Variants in TTC39B observed in about 807,000 individuals in gnomAD.
The protein encoded by TTC39B is tetratricopeptide repeat protein 39B.
In TTC39B, 92 loss-of-function variants were observed where a neutral mutation model predicts 96.6. That is an observed-to-expected ratio of 0.95 (90% confidence interval 0.80 to 1.13). TTC39B has a LOEUF of 1.13. Ranked by LOEUF, TTC39B falls within the 50% of genes most tolerant of loss-of-function variation. TTC39B has a pLI of 0.00. For synonymous variants in TTC39B, 367 were observed against 299.4 expected, an observed-to-expected ratio of 1.23 and a Z score of -2.33; for missense variants, 955 against 809.3, an observed-to-expected ratio of 1.18 and a Z score of -2.18.
chr9:15,268,793 T>C (rs1334294776), intron 1 of TTC39B, among the ~76,000 whole-genome samples: 1 of 152,234 alleles, frequency 6.6e-6, no homozygotes, highest in South Asian at 2.1e-4. Flanking sequence ...CTTGACACCC[T>C]CCATTCAATT....
At chr9:15,304,550 G>A (rs1372689080) in intron 1 of TTC39B, among the ~76,000 whole-genome samples, 1 of 151,956 alleles carries the variant, frequency 6.6e-6, no homozygotes, top group African/African-American at 2.4e-5. Context: ...AGCTACCATG[G>A]GAGCTTCTCT....
At position 15,275,989 on chromosome 9, in the gene TTC39B, G is replaced by A. The variant is rs139442215; in HGVS notation, c.241-8041C>T. Among the ~76,000 whole-genome samples the A allele has an allele frequency of 5.5e-4, 84 of 152,304 alleles. 1 individual carries two copies. In the East Asian group the frequency reaches 0.015, roughly 27 times the overall value. ...GTCACATTTGTAAGAAACAAATGCT[G>A]ATATATAAATACCATGGAACCATGA... On this transcript the variant is annotated intron_variant, in intron 1 of 19. Transcript: ENST00000512701.
At chr9:15,200,667 G>T (rs1312070403) in intron 7 of TTC39B, among the ~76,000 whole-genome samples, 1 of 152,218 alleles carries the variant, frequency 6.6e-6, no homozygotes, top group Non-Finnish European at 1.5e-5. Context: ...CCTACGTTTT[G>T]CATATCCAGA....
intron 16 of TTC39B, chr9:15,183,513 G>C (rs1284257332): frequency 3.0e-6 from 1 of 334,630 alleles, no homozygotes. Context: ...CCAATTTCCT[G>C]TACATTCTAC....
chr9:15,237,687 G>A (rs1431302366), intron 2 of TTC39B, among the ~76,000 whole-genome samples: 2 of 147,398 alleles, frequency 1.4e-5, no homozygotes, highest in Non-Finnish European at 3.0e-5. Context: ...AGGACCAGAT[G>A]CATTCACAGC....
intron 2 of TTC39B, among the ~76,000 whole-genome samples, chr9:15,256,077 T>A (rs1405365188): frequency 6.6e-6 from 1 of 152,230 alleles, no homozygotes; most frequent in Non-Finnish European, 1.5e-5. Context: ...AGTGATGGCG[T>A]GGGGCCTTTG....
intron 9 of TTC39B, 121 bp from the exon 10 acceptor site, chr9:15,191,376 C>T (rs1818848600): frequency 1.6e-6 from 1 of 636,884 alleles, no homozygotes; most frequent in Non-Finnish European, 2.7e-6. Context: ...CAAGTTTTAA[C>T]CACCAGATAT....
chr9:15,197,313 C>A (rs746215114), intron 8 of TTC39B, among the ~76,000 whole-genome samples: 1 of 152,094 alleles, frequency 6.6e-6, no homozygotes, highest in Non-Finnish European at 1.5e-5. Context: ...ATTTAACATT[C>A]GTTTATACCT....
chr9:15,223,351 G>A (rs1024614585), intron 3 of TTC39B, among the ~76,000 whole-genome samples: 2 of 152,220 alleles, frequency 1.3e-5, no homozygotes, highest in East Asian at 3.8e-4. Context: ...GAAATTAGAA[G>A]GTGGAGCATC....
intron 2 of TTC39B, among the ~76,000 whole-genome samples, chr9:15,238,813 C>T (rs922027777): frequency 7.2e-5 from 11 of 152,140 alleles, no homozygotes; most frequent in Admixed American, 5.9e-4. Flanking sequence ...CGACAAAACC[C>T]TGTCTCTACA....
chr9:15,174,810 C>T (rs574493809), intron 19 of TTC39B, among the ~76,000 whole-genome samples: 12 of 152,252 alleles, frequency 7.9e-5, no homozygotes, highest in Admixed American at 2.6e-4. Context: ...TATCTGTAAA[C>T]AGTCACAGGG....
intron 2 of TTC39B, among the ~76,000 whole-genome samples, chr9:15,251,586 T>A (rs1025809938): frequency 3.3e-5 from 5 of 151,116 alleles, no homozygotes; most frequent in African/African-American, 9.7e-5. Context: ...CCAGCCATAA[T>A]CTCATAACCC....
chr9:15,299,063 C>T (rs1170687938), intron 1 of TTC39B, among the ~76,000 whole-genome samples: 1 of 152,126 alleles, frequency 6.6e-6, no homozygotes, highest in African/African-American at 2.4e-5. Flanking sequence ...CCCTGGCATC[C>T]CTCCTCCACC....
chr9:15,192,674 A>T, exon 9 of TTC39B: 1 of 1,614,042 alleles, frequency 6.2e-7, no homozygotes, highest in Non-Finnish European at 8.5e-7. Flanking sequence ...TCTGAATTTC[A>T]TGCAGGATAG....
intron 2 of TTC39B, among the ~76,000 whole-genome samples, chr9:15,257,002 C>T (rs976981766): frequency 1.4e-4 from 22 of 152,264 alleles, no homozygotes; most frequent in African/African-American, 5.1e-4. Flanking sequence ...TCCTGATTCA[C>T]ACAAACATAC....
intron 1 of TTC39B, among the ~76,000 whole-genome samples, chr9:15,278,864 A>G (rs1376885129): frequency 2.6e-5 from 4 of 152,252 alleles, no homozygotes; most frequent in Non-Finnish European, 5.9e-5. Flanking sequence ...CAACAATAAC[A>G]GGTAACACTA....
chr9:15,213,406 A>G (rs1820321253), intron 4 of TTC39B, among the ~76,000 whole-genome samples: 4 of 152,226 alleles, frequency 2.6e-5, no homozygotes, highest in Admixed American at 2.6e-4. Context: ...GCTATTCTAA[A>G]TCTTAACACA....
intron 1 of TTC39B, among the ~76,000 whole-genome samples, chr9:15,290,451 C>T (rs1270841143): frequency 6.6e-6 from 1 of 152,148 alleles, no homozygotes; most frequent in Admixed American, 6.5e-5. Flanking sequence ...TTGTGGGCCC[C>T]AGAATCTTTA....
intron 2 of TTC39B, 149 bp downstream of exon 2, chr9:15,267,765 A>G: frequency 1.6e-6 from 1 of 615,418 alleles, no homozygotes; most frequent in Non-Finnish European, 2.8e-6. Flanking sequence ...ATATAATCAC[A>G]TCCTCTTTAA....
Sources: gnomAD v4.1 joint callset for allele counts (sites outside exome capture counted in the v4.1 genomes callset) on GRCh38, gnomAD v4.1.1 for gene constraint, MANE v1.5 for transcripts, NCBI Gene and HGNC (gene_info 2026-07-23, HGNC 2026-07-21) for gene names.